CALB2: variants seen among roughly 807,000 people sequenced by gnomAD.
The protein encoded by CALB2 is calretinin.
In CALB2, 34 loss-of-function variants were observed where a neutral mutation model predicts 45.9. That is an observed-to-expected ratio of 0.74 (90% CI 0.56 to 0.99). The LOEUF is 0.99. Among genes scored for constraint, CALB2 ranks in the 50% least tolerant of loss-of-function variants. CALB2 has a pLI of 0.00. For missense variants in CALB2, 344 were observed against 339.3 expected, an observed-to-expected ratio of 1.01 and a Z score of -0.11; for synonymous variants, 142 against 129.6, an observed-to-expected ratio of 1.10 and a Z score of -0.65.
intron 4 of CALB2, among the ~76,000 whole-genome samples, chr16:71,377,954 G>A (rs2042437476): frequency 1.3e-5 from 2 of 152,228 alleles, no homozygotes; most frequent in Non-Finnish European, 2.9e-5. Flanking sequence ...AGGAGTGGTG[G>A]CTCACGCCTT....
intron 1 of CALB2, 73 bp from the exon 2 acceptor site, chr16:71,372,080 C>A: frequency 9.7e-7 from 1 of 1,029,862 alleles, no homozygotes; most frequent in African/African-American, 1.6e-5. Flanking sequence ...CTCCACGAAG[C>A]CCCCGACATG....
At chr16:71,367,313 G>A (rs151161956) in intron 1 of CALB2, among the ~76,000 whole-genome samples, 1 of 152,114 alleles carries the variant, frequency 6.6e-6, no homozygotes, top group East Asian at 1.9e-4. Context: ...TGTCTTTATC[G>A]ATGCCCATCC....
chr16:71,385,734 C>A, intron 10 of CALB2, 86 bp downstream of exon 10: 1 of 1,010,486 alleles, frequency 9.9e-7, no homozygotes. Flanking sequence ...GTGCCTGGTC[C>A]TGCTCTCTAC....
At chr16:71,365,341 A>C (rs1205905508) in intron 1 of CALB2, among the ~76,000 whole-genome samples, 1 of 152,166 alleles carries the variant, frequency 6.6e-6, no homozygotes, top group Non-Finnish European at 1.5e-5. Context: ...TGCTACACAG[A>C]CTGGTGCACT....
intron 1 of CALB2, 31 bp from the exon 2 acceptor site, chr16:71,372,122 T>C (rs1470184119): frequency 7.2e-7 from 1 of 1,379,394 alleles, no homozygotes. Context: ...TATTTAGTGC[T>C]GAGATTGATT....
intron 1 of CALB2, among the ~76,000 whole-genome samples, chr16:71,369,574 C>T (rs573807013): frequency 7.2e-5 from 11 of 152,248 alleles, no homozygotes; most frequent in East Asian, 1.9e-4. Flanking sequence ...AGCCACCTCC[C>T]GATACACTCA....
chr16:71,367,088 G>A (rs1375746143), intron 1 of CALB2, among the ~76,000 whole-genome samples: 2 of 152,098 alleles, frequency 1.3e-5, no homozygotes, highest in Non-Finnish European at 2.9e-5. Flanking sequence ...GGCTTCCCAA[G>A]TGTCCGTGGT....
chr16:71,376,578 C>A (rs763099779), intron 3 of CALB2, among the ~76,000 whole-genome samples: 2 of 151,542 alleles, frequency 1.3e-5, no homozygotes, highest in African/African-American at 2.4e-5. Flanking sequence ...TCTACATGCA[C>A]CCACATACAT....
chr16:71,383,285 C>T (rs2042521460), intron 5 of CALB2, 82 bp from the exon 6 acceptor site: 2 of 1,208,080 alleles, frequency 1.7e-6, no homozygotes, highest in Non-Finnish European at 2.4e-6. Flanking sequence ...CATTGAGAGA[C>T]TGTCTGAATG....
chr16:71,383,047 C>A (rs2042518721), intron 5 of CALB2, among the ~76,000 whole-genome samples: 1 of 152,306 alleles, frequency 6.6e-6, no homozygotes, highest in South Asian at 2.1e-4. Flanking sequence ...TGGCCTCTGG[C>A]TCCTAGGTCC....
chr16:71,390,251 T>G lies in CALB2; in HGVS notation c.*386T>G, dbSNP rs889422375. On this transcript the variant is annotated 3_prime_UTR_variant, in exon 11 of 11. Transcript: ENST00000302628. The stretch of plus-strand genomic sequence containing the variant: ...CCCCATGCCACCACCCACCCCAAAC[T>G]TCCAGGTTCCATCCACCACCTTGCC... The G allele has an allele frequency of 1.2e-5, 2 of 173,474 alleles. No homozygotes were observed. Among genetic ancestry groups the G allele is most frequent in the African/African-American group, 4.7e-5 (2 of 42,298 alleles). 10.7% of individuals were successfully genotyped at this position (173,474 alleles called of 1,614,324 possible).
At chr16:71,364,131 G>A (rs1255938116) in intron 1 of CALB2, among the ~76,000 whole-genome samples, 1 of 152,192 alleles carries the variant, frequency 6.6e-6, no homozygotes, top group African/African-American at 2.4e-5. Flanking sequence ...GTACCTCCAG[G>A]TGGGCTCTTG....
At chr16:71,372,017 C>A in intron 1 of CALB2, 136 bp from the exon 2 acceptor site, 1 of 680,082 alleles carries the variant, frequency 1.5e-6, no homozygotes, top group Non-Finnish European at 2.6e-6. Context: ...GACCCACACC[C>A]CTAGCTCCAC....
intron 3 of CALB2, among the ~76,000 whole-genome samples, chr16:71,375,324 G>C (rs75064487): frequency 6.6e-6 from 1 of 151,914 alleles, no homozygotes; most frequent in Non-Finnish European, 1.5e-5. Context: ...ATATGCACAC[G>C]TATATACACA....
rs768426697 is a variant in CALB2, at chr16:71,377,648, G to C, written c.262-19G>C. 8 of 1,591,796 alleles carry C rather than the reference G, an allele frequency of 5.0e-6. No individual in the cohort carries two copies. The Admixed American group carries it at 1.2e-4, about 23-fold the overall frequency. ...CAAGTCCCTCCATAACGTTAGTGTC[G>C]CTCTCTGTATCTTCACAGCTGGCGC... On this transcript the variant is annotated intron_variant, in intron 3 of 10. Transcript: ENST00000302628.
intron 1 of CALB2, among the ~76,000 whole-genome samples, chr16:71,371,224 T>G (rs1344984461): frequency 6.6e-6 from 1 of 152,104 alleles, no homozygotes; most frequent in Non-Finnish European, 1.5e-5. Context: ...CCTCAGAGCC[T>G]CCTCTCTTCA....
chr16:71,386,318 G>T (rs780012280), intron 10 of CALB2, among the ~76,000 whole-genome samples: 1 of 152,200 alleles, frequency 6.6e-6, no homozygotes, highest in Non-Finnish European at 1.5e-5. Context: ...CAGTGTTGAC[G>T]TGTGAAAGTG....
chr16:71,370,640 G>A (rs569998408), intron 1 of CALB2, among the ~76,000 whole-genome samples: 1 of 152,240 alleles, frequency 6.6e-6, no homozygotes, highest in South Asian at 2.1e-4. Context: ...AGGATCACTT[G>A]AGCCCAGGAT....
intron 1 of CALB2, among the ~76,000 whole-genome samples, chr16:71,367,831 T>C (rs1453268443): frequency 6.6e-6 from 1 of 150,884 alleles, no homozygotes; most frequent in Non-Finnish European, 1.5e-5. Flanking sequence ...GGGAGGGGGG[T>C]TCCTCCTGCC....
Sources: allele counts gnomAD v4.1 joint callset (sites outside exome capture counted in the v4.1 genomes callset), GRCh38; gene constraint gnomAD v4.1.1; transcripts MANE v1.5; gene names NCBI Gene and HGNC (gene_info 2026-07-23, HGNC 2026-07-21).